ZNF804A: variants seen among roughly 807,000 people sequenced by gnomAD.
ZNF804A encodes the protein zinc finger protein 804A.
In ZNF804A, 2 loss-of-function variants were observed where a neutral mutation model predicts 16.5. That is an observed-to-expected ratio of 0.12 (90% CI 0.05 to 0.38). ZNF804A has a LOEUF of 0.38. ZNF804A is among the 10% of genes least tolerant of loss of function. The pLI is 0.99. For missense variants in ZNF804A, 1,473 were observed against 1,390.7 expected (o/e 1.06, Z -0.94); for synonymous variants, 534 against 489.6 (o/e 1.09, Z -1.20).
chr2:184,609,133 G>A (rs974491775), intron 1 of ZNF804A, among the ~76,000 whole-genome samples: 9 of 152,172 alleles, frequency 5.9e-5, no homozygotes, highest in Non-Finnish European at 1.2e-4. Context: ...CAGGTAATGA[G>A]GAAGAATTTG....
At chr2:184,704,201 G>C (rs185440132) in intron 1 of ZNF804A, among the ~76,000 whole-genome samples, 1 of 151,490 alleles carries the variant, frequency 6.6e-6, no homozygotes, top group South Asian at 2.1e-4. Context: ...GCCCAGGCTG[G>C]AGTGCAGTGG....
At chr2:184,709,813 G>A (rs1398873515) in intron 1 of ZNF804A, among the ~76,000 whole-genome samples, 2 of 148,214 alleles carry the variant, frequency 1.3e-5, no homozygotes, top group East Asian at 1.9e-4. Context: ...ATAAAATATT[G>A]TGTATTTTAA....
chr2:184,819,302 C>A (rs576469064), intron 1 of ZNF804A, among the ~76,000 whole-genome samples: 1 of 151,998 alleles, frequency 6.6e-6, no homozygotes, highest in Non-Finnish European at 1.5e-5. Context: ...CCCTGAACAA[C>A]CTGCTTCTGG....
In ZNF804A at chr2:184,674,758, T is replaced by A. The variant is rs536867754; in HGVS notation, c.111+75688T>A. On this transcript the variant is annotated intron_variant, in intron 1 of 3. Transcript: ENST00000302277. The stretch of plus-strand genomic sequence containing the variant: ...AGAGACCAGAATACAGGAATACAGA[T>A]AATATAAAGAAAAATTATTTTAAAA... 7.6e-5 allele frequency among the ~76,000 whole-genome samples: 11 copies of A among 144,894 alleles called. No homozygotes were observed. The South Asian group carries it at 2.4e-3, about 32-fold the overall frequency.
At chr2:184,824,172 G>A (rs1695126397) in intron 1 of ZNF804A, among the ~76,000 whole-genome samples, 1 of 151,886 alleles carries the variant, frequency 6.6e-6, no homozygotes, top group African/African-American at 2.4e-5. Flanking sequence ...AGACACAGCT[G>A]GTTATGTTCA....
chr2:184,748,231 C>A (rs550186331), intron 1 of ZNF804A, among the ~76,000 whole-genome samples: 6 of 150,974 alleles, frequency 4.0e-5, no homozygotes, highest in Admixed American at 2.7e-4. Context: ...AACTAATTTA[C>A]ATTCCCACCA....
At chr2:184,630,655 A>G (rs1012028350) in intron 1 of ZNF804A, among the ~76,000 whole-genome samples, 29 of 152,170 alleles carry the variant, frequency 1.9e-4, no homozygotes, top group Non-Finnish European at 3.1e-4. Context: ...CACTTATAAT[A>G]GAAGCTATGC....
chr2:184,894,246 T>C (rs34700435), intron 2 of ZNF804A, among the ~76,000 whole-genome samples: 2,370 of 152,262 alleles, frequency 0.016, 31 homozygotes, highest in Non-Finnish European at 0.023. Context: ...TGAAGGGGTA[T>C]GCCAACCCAC....
At chr2:184,875,465 C>T (rs557548203) in intron 2 of ZNF804A, among the ~76,000 whole-genome samples, 9 of 152,200 alleles carry the variant, frequency 5.9e-5, no homozygotes, top group African/African-American at 1.7e-4. Context: ...ATGCTGGCTC[C>T]CCTTCTCTTT....
chr2:184,771,238 T>C (rs961388551), intron 1 of ZNF804A, among the ~76,000 whole-genome samples: 12 of 152,092 alleles, frequency 7.9e-5, no homozygotes, highest in East Asian at 1.9e-4. Flanking sequence ...AAAATATTGG[T>C]CATTTTTGAC....
At chr2:184,752,687 C>G (rs972557037) in intron 1 of ZNF804A, among the ~76,000 whole-genome samples, 4 of 151,546 alleles carry the variant, frequency 2.6e-5, no homozygotes, top group African/African-American at 9.7e-5. Context: ...CAAATCAGAG[C>G]TGATAATATT....
intron 1 of ZNF804A, among the ~76,000 whole-genome samples, chr2:184,648,458 T>C (rs2105698710): frequency 6.6e-6 from 1 of 152,130 alleles, no homozygotes; most frequent in African/African-American, 2.4e-5. Context: ...TTAAAAGACA[T>C]GGACTAACAA....
intron 2 of ZNF804A, among the ~76,000 whole-genome samples, chr2:184,896,169 A>G (rs946434930): frequency 6.6e-6 from 1 of 152,122 alleles, no homozygotes; most frequent in Non-Finnish European, 1.5e-5. Flanking sequence ...ACCTAGTATC[A>G]ATCACCCCTA....
intron 1 of ZNF804A, among the ~76,000 whole-genome samples, chr2:184,631,868 A>G: frequency 6.6e-6 from 1 of 152,206 alleles, no homozygotes; most frequent in South Asian, 2.1e-4. Context: ...ACTTTTATGA[A>G]CCTTTGATGT....
chr2:184,900,134 G>A (rs1685155274), intron 2 of ZNF804A, among the ~76,000 whole-genome samples: 1 of 152,030 alleles, frequency 6.6e-6, no homozygotes, highest in Non-Finnish European at 1.5e-5. Flanking sequence ...AGTTTAATCA[G>A]GACATCAGCT....
At chr2:184,606,622 A>C (rs1691150725) in intron 1 of ZNF804A, among the ~76,000 whole-genome samples, 1 of 152,220 alleles carries the variant, frequency 6.6e-6, no homozygotes, top group African/African-American at 2.4e-5. Flanking sequence ...TAAGTAAAGG[A>C]GATTACTCTT....
intron 1 of ZNF804A, among the ~76,000 whole-genome samples, chr2:184,841,679 T>C (rs1418428659): frequency 2.0e-5 from 3 of 152,192 alleles, no homozygotes; most frequent in Admixed American, 2.0e-4. Flanking sequence ...AAGTGTTTTA[T>C]ATTATCATAT....
chr2:184,797,958 T>A (rs79818207), intron 1 of ZNF804A, among the ~76,000 whole-genome samples: 3,032 of 151,786 alleles, frequency 0.02, 42 homozygotes, highest in Non-Finnish European at 0.033. Context: ...TATCTTTCTT[T>A]CATATATAAT....
intron 1 of ZNF804A, among the ~76,000 whole-genome samples, chr2:184,691,039 G>C (rs1010681927): frequency 6.6e-6 from 1 of 151,924 alleles, no homozygotes; most frequent in African/African-American, 2.4e-5. Flanking sequence ...TATTTAGTGA[G>C]GATACTTTTA....
Sources: gnomAD v4.1 joint callset for allele counts (sites outside exome capture counted in the v4.1 genomes callset) on GRCh38, gnomAD v4.1.1 for gene constraint, MANE v1.5 for transcripts, NCBI Gene and HGNC (gene_info 2026-07-23, HGNC 2026-07-21) for gene names.